CFAP47: variants seen among roughly 807,000 people sequenced by gnomAD.
The protein encoded by CFAP47 is cilia- and flagella-associated protein 47.
A neutral mutation model predicts 148.1 loss-of-function variants in CFAP47; 29 were observed. That is an observed-to-expected ratio of 0.20 (90% CI 0.15 to 0.27). The LOEUF (loss-of-function observed/expected upper bound fraction) is 0.27. Among genes scored for constraint, CFAP47 ranks in the 10% least tolerant of loss-of-function variants. The probability of loss-of-function intolerance (pLI) is 1.00; values close to 1 mark genes in which losing one functional copy is unlikely to be tolerated. For synonymous variants in CFAP47, 664 were observed against 577.3 expected, an observed-to-expected ratio of 1.15 and a Z score of -2.15; for missense variants, 1,872 against 1,697.5, an observed-to-expected ratio of 1.10 and a Z score of -1.81.
At chrX:36,275,179 C>T (rs985212586) in intron 49 of CFAP47, among the ~76,000 whole-genome samples, 2 of 110,373 alleles carry the variant, frequency 1.8e-5, no homozygotes, top group African/African-American at 3.3e-5. Flanking sequence ...CTTCACCTCC[C>T]AGGCTCAAGT....
chrX:36,297,863 A>G (rs1390286679), intron 51 of CFAP47, among the ~76,000 whole-genome samples: 1 of 111,726 alleles, frequency 9.0e-6, no homozygotes, highest in Non-Finnish European at 1.9e-5. Context: ...TTTTAGAAAT[A>G]TAAATTTCAG....
Position 36,060,854 on chromosome X carries a change from C to T in CFAP47, c.4218-4789C>T, listed in dbSNP as rs187474398. 6.3e-5 allele frequency among the ~76,000 whole-genome samples: 7 copies of T among 111,921 alleles called. No individual in the cohort carries two copies. The East Asian group carries it at 1.7e-3, about 27-fold the overall frequency. The stretch of plus-strand genomic sequence containing the variant: ...GCCCAGAAGAGCAGCTATAACTTTA[C>T]TCCCTTCCTCCTCCTCATTCAAGTT... On this transcript the variant is annotated intron_variant, in intron 26 of 63. Transcript: ENST00000378653.
rs1941827145 is a variant in CFAP47 at position 36,361,375 on chromosome X, C to A, written c.8897C>A (p.Ser2966Tyr). The change falls in exon 61 of 64, where the codon TCT becomes TAT. Residue 2966 changes from serine (S) to tyrosine (Y), a missense_variant. By Grantham distance (144) the Ser-to-Tyr change is moderately radical. Coordinates refer to ENST00000378653, the MANE Select transcript of CFAP47 (RefSeq NM_001304548.2). Reference sequence around the variant, plus strand: ...TTCGAGTATGAAATTCAATTTGAATCTGAAGCTATGAAGTCTAAGTTGGAA... The same window carrying A: ...TTCGAGTATGAAATTCAATTTGAATATGAAGCTATGAAGTCTAAGTTGGAA... Reference protein sequence around the residue: ...HEFEYEIQFESEAMKSKLESC... With the variant: ...HEFEYEIQFEYEAMKSKLESC... 8.9e-6 allele frequency: 10 copies of A among 1,119,923 alleles called. No homozygotes were observed. Among genetic ancestry groups the A allele is most frequent in the Non-Finnish European group, 1.2e-5 (10 of 840,710 alleles). The allele number at this position is 1,119,923 out of a possible 1,213,427, so 92.3% of individuals were successfully genotyped here.
intron 36 of CFAP47, among the ~76,000 whole-genome samples, chrX:36,147,315 C>T (rs1471404812): frequency 1.8e-5 from 2 of 111,887 alleles, no homozygotes; most frequent in African/African-American, 3.3e-5. Flanking sequence ...CCTCATCACC[C>T]CTACACGAAA....
At chrX:36,323,493 T>C (rs1428400759) in intron 57 of CFAP47, among the ~76,000 whole-genome samples, 1 of 111,474 alleles carries the variant, frequency 9.0e-6, no homozygotes, top group African/African-American at 3.2e-5. Context: ...TTGCACCTTC[T>C]AATTTGCCAT....
intron 15 of CFAP47, among the ~76,000 whole-genome samples, chrX:35,980,286 T>C (rs1467867317): frequency 8.9e-6 from 1 of 112,125 alleles, no homozygotes; most frequent in African/African-American, 3.2e-5. Context: ...AGAAAAAATA[T>C]ATAACTGTGC....
chrX:35,975,573 G>A, intron 14 of CFAP47, 99 bp from the exon 15 acceptor site: 1 of 866,010 alleles, frequency 1.2e-6, no homozygotes, highest in Non-Finnish European at 1.7e-6. Context: ...TAAGAATTGT[G>A]GATGTTAATC....
At chrX:36,287,753 G>A (rs941079103) in intron 51 of CFAP47, among the ~76,000 whole-genome samples, 1 of 111,382 alleles carries the variant, frequency 9.0e-6, no homozygotes, top group Non-Finnish European at 1.9e-5. Flanking sequence ...GTTTTCTCAC[G>A]TTTCTAGTCG....
chrX:36,072,042 T>G, intron 28 of CFAP47, 71 bp downstream of exon 28: 23 of 834,474 alleles, frequency 2.8e-5, no homozygotes, highest in Non-Finnish European at 3.8e-5. Context: ...TCACTTAATT[T>G]AAGGTTAGGT....
At position 36,148,151 on chromosome X, in the gene CFAP47, C is replaced by T. The variant is rs986806748; in HGVS notation, c.5671-957C>T. 3.6e-5 allele frequency among the ~76,000 whole-genome samples: 4 copies of T among 111,396 alleles called. No individual in the cohort carries two copies. The Admixed American group carries it at 3.8e-4, about 11-fold the overall frequency. On this transcript the variant is annotated intron_variant, in intron 36 of 63. Transcript: ENST00000378653. ...TACAGCCAAGGAGCAGGATGGAGAT[C>T]AGTGGGTGGGAAATGACTAAGAGGA...
intron 57 of CFAP47, among the ~76,000 whole-genome samples, chrX:36,333,415 G>A (rs137979795): frequency 9.0e-6 from 1 of 110,550 alleles, no homozygotes; most frequent in African/African-American, 3.3e-5. Context: ...TCTAAGTTGT[G>A]GCTTTTTCCC....
chrX:36,150,604 T>C (rs979869130), intron 37 of CFAP47, among the ~76,000 whole-genome samples: 1 of 111,563 alleles, frequency 9.0e-6, no homozygotes, highest in Non-Finnish European at 1.9e-5. Context: ...TACTAGTATA[T>C]CAAACACAGA....
At chrX:36,017,023 T>C (rs779820683) in intron 22 of CFAP47, among the ~76,000 whole-genome samples, 1 of 111,506 alleles carries the variant, frequency 9.0e-6, no homozygotes, top group East Asian at 2.8e-4. Flanking sequence ...ATTAGATTTT[T>C]TCTCATAGAG....
rs1333699833 is a variant in CFAP47, at chrX:36,361,416, T to C, written c.8938T>C (p.Tyr2980His). The C allele has an allele frequency of 1.8e-6, 2 of 1,091,205 alleles. No homozygotes were observed. The highest frequency in any genetic ancestry group is 2.5e-6 in the Non-Finnish European group (2 of 809,267). 89.9% of individuals were successfully genotyped at this position (1,091,205 alleles called of 1,213,427 possible). ...KSKLESCVAL[Y>H]MIEKSYDIMA... ...TAAGTTGGAATCCTGTGTAGCTTTA[T>C]ATATGATTGAAAAATCTTATGATAT... Residue 2980 changes from tyrosine (Y) to histidine (H), a missense_variant, in exon 61 of 64, where the codon TAT becomes CAT. Transcript: ENST00000378653.
chrX:36,201,554 A>C, intron 44 of CFAP47, 54 bp downstream of exon 44: 1 of 293,596 alleles, frequency 3.4e-6, no homozygotes, highest in Non-Finnish European at 5.9e-6. Flanking sequence ...TTAAAAATAC[A>C]CAGAGTTACA....
intron 30 of CFAP47, among the ~76,000 whole-genome samples, chrX:36,085,963 C>T (rs1392191356): frequency 9.0e-6 from 1 of 110,630 alleles, no homozygotes; most frequent in African/African-American, 3.3e-5. Context: ...TTTGAAAATC[C>T]TGGTCTACAG....
intron 4 of CFAP47, 84 bp downstream of exon 4, chrX:35,948,536 A>G: frequency 1.3e-6 from 1 of 755,266 alleles, no homozygotes; most frequent in South Asian, 2.7e-5. Flanking sequence ...CTTTGATTGT[A>G]TGTTAGCTCC....
At chrX:36,090,830 G>A (rs1005704774) in intron 30 of CFAP47, among the ~76,000 whole-genome samples, 11 of 111,418 alleles carry the variant, frequency 9.9e-5, no homozygotes, top group Non-Finnish European at 3.8e-5. Flanking sequence ...CTGCATAAAT[G>A]AGCAACTTAT....
intron 39 of CFAP47, among the ~76,000 whole-genome samples, chrX:36,168,412 A>G (rs889295728): frequency 8.9e-6 from 1 of 112,051 alleles, no homozygotes; most frequent in Admixed American, 9.5e-5. Context: ...ACTCAGATGA[A>G]TACCAACTGA....
Sources: allele counts gnomAD v4.1 joint callset (sites outside exome capture counted in the v4.1 genomes callset), GRCh38; gene constraint gnomAD v4.1.1; transcripts MANE v1.5; gene names NCBI Gene and HGNC (gene_info 2026-07-23, HGNC 2026-07-21).